The following HNRNPF variants were observed in gnomAD, a reference collection of about 807,000 sequenced individuals.
HNRNPF encodes the protein HnRNP F protein.
Under a neutral mutation model 26.0 loss-of-function variants are expected in HNRNPF, and 2 were observed. The observed-to-expected ratio is 0.08, with a 90% CI of 0.03 to 0.24. The LOEUF (loss-of-function observed/expected upper bound fraction) is 0.24. Ranked by LOEUF, HNRNPF falls within the 10% of genes least tolerant of loss-of-function variation. The pLI, the probability that HNRNPF is intolerant of heterozygous loss-of-function variation, is 1.00. For synonymous variants in HNRNPF, 234 were observed against 211.5 expected (o/e 1.11, Z -0.92); for missense variants, 299 against 539.2 (o/e 0.55, Z 4.41).
At chr10:43,396,891 A>AGGGGG (rs1206414177) in intron 1 of HNRNPF, 2 of 4,904 alleles carry the variant, frequency 4.1e-4, no homozygotes, top group Non-Finnish European at 7.8e-4. Flanking sequence ...GCCTCGCGGG[A>AGGGGG]GGGGGAGGGG....
At chr10:43,397,651 GA>G (rs1166951673) in intron 1 of HNRNPF, among the ~76,000 whole-genome samples, 1 of 152,184 alleles carries the variant, frequency 6.6e-6, no homozygotes, top group African/African-American at 2.4e-5. Context: ...AAAAATCTTT[GA>G]AAAAAAATTT....
chr10:43,392,746 G>A (rs1838304391), intron 3 of HNRNPF, among the ~76,000 whole-genome samples: 1 of 152,022 alleles, frequency 6.6e-6, no homozygotes, highest in African/African-American at 2.4e-5. Flanking sequence ...AGGGAATCAG[G>A]CTTGGGCCCA....
chr10:43,394,223 T>G (rs998881502), intron 3 of HNRNPF, among the ~76,000 whole-genome samples: 1 of 152,190 alleles, frequency 6.6e-6, no homozygotes, highest in Non-Finnish European at 1.5e-5. Context: ...CTGGCTAGGC[T>G]GAAAAAGACA....
At chr10:43,390,394 C>G (rs1415240621) in intron 3 of HNRNPF, among the ~76,000 whole-genome samples, 2 of 152,184 alleles carry the variant, frequency 1.3e-5, no homozygotes, top group Non-Finnish European at 2.9e-5. Context: ...AGCCTTAGGT[C>G]CAGCCATCGT....
intron 3 of HNRNPF, among the ~76,000 whole-genome samples, chr10:43,389,803 C>T (rs567626315): frequency 6.6e-6 from 1 of 152,184 alleles, no homozygotes. Flanking sequence ...AAGATGTCAC[C>T]CTTGCTAATG....
chr10:43,400,252 G>C (rs1403703257), intron 1 of HNRNPF, among the ~76,000 whole-genome samples: 1 of 152,240 alleles, frequency 6.6e-6, no homozygotes, highest in East Asian at 1.9e-4. Context: ...TTTTCCTTCT[G>C]TACATTATCT....
chr10:43,390,275 C>T (rs886379117), intron 3 of HNRNPF, among the ~76,000 whole-genome samples: 1 of 152,166 alleles, frequency 6.6e-6, no homozygotes, highest in African/African-American at 2.4e-5. Context: ...ATTCCATTCC[C>T]AACACTGGGT....
intron 2 of HNRNPF, among the ~76,000 whole-genome samples, chr10:43,394,949 T>G (rs545913747): frequency 6.6e-6 from 1 of 152,288 alleles, no homozygotes; most frequent in East Asian, 1.9e-4. Flanking sequence ...CCTGCCTCAG[T>G]ACCTGGTATT....
rs147499983 is a variant in HNRNPF, at chr10:43,386,793, T to C, written c.1092A>G (p.Thr364=). 5.0e-5 allele frequency: 80 copies of C among 1,614,068 alleles called. 1 individual carries two copies. The highest frequency in any genetic ancestry group is 6.4e-5 in the Non-Finnish European group (75 of 1,180,040). The change falls in exon 4 of 4, where the codon ACA becomes ACG. Residue 364 remains threonine, a synonymous_variant. Transcript: ENST00000682386. ...TATACGCCCCATTGCTGGCCCCTGTTGTTGAATTCAAGAAGAGTTCTATAT... is the reference window on the plus strand; with the variant it reads ...TATACGCCCCATTGCTGGCCCCTGTCGTTGAATTCAAGAAGAGTTCTATAT... ...HRYIELFLNS[T]TGASNGAYSS... is the part of the protein sequence containing the mutation.
chr10:43,388,621 A>G (rs1244162094), intron 3 of HNRNPF, among the ~76,000 whole-genome samples: 1 of 152,272 alleles, frequency 6.6e-6, no homozygotes, highest in Non-Finnish European at 1.5e-5. Context: ...AAATAAATGG[A>G]GAAACCAGAT....
At chr10:43,395,549 T>C (rs1053404088) in intron 2 of HNRNPF, among the ~76,000 whole-genome samples, 4 of 152,208 alleles carry the variant, frequency 2.6e-5, no homozygotes, top group Non-Finnish European at 4.4e-5. Context: ...CTGCCTTGTC[T>C]TGCAAACTTC....
chr10:43,387,227 T>C lies in HNRNPF; in HGVS notation c.658A>G (p.Ile220Val), dbSNP rs749217091. 6.8e-6 allele frequency: 11 copies of C among 1,614,080 alleles called. No homozygotes were observed. The highest frequency in any genetic ancestry group is 9.3e-6 in the Non-Finnish European group (11 of 1,180,012). Residue 220 changes from isoleucine to valine, a missense_variant, in exon 4 of 4, where the codon ATT becomes GTT. Ile to Val is a conservative substitution (Grantham distance 29). Around this residue, in one of 6 missense-constraint regions of HNRNPF, gnomAD observed 15 missense variants for 40.3 expected, o/e 0.37. Coordinates refer to ENST00000682386, the MANE Select transcript of HNRNPF (RefSeq NM_001098204.2). This position sits in a 1 kb window ranked among gnomAD's most constrained non-coding sequence, Gnocchi z 6.0. ...YDRPGTARRY[I>V]GIVKQAGLER... Reference sequence around the variant, plus strand: ...AGGCCTGCCTGCTTCACGATGCCAATGTACCTCCTGGCAGTCCCGGGCCGG... The same window carrying C: ...AGGCCTGCCTGCTTCACGATGCCAACGTACCTCCTGGCAGTCCCGGGCCGG...
Position 43,386,961 on chromosome 10 carries a change from G to A in HNRNPF, c.924C>T (p.Phe308=), listed in dbSNP as rs144952315. The A allele has an allele frequency of 6.2e-7, 1 of 1,614,100 alleles. No individual in the cohort carries two copies. Among genetic ancestry groups the A allele is most frequent in the African/African-American group, 1.3e-5 (1 of 74,934 alleles). ...YKATENDIYN[F]FSPLNPVRVH... is the part of the protein sequence containing the mutation. ...CTCTCACAGGGTTGAGAGGAGAGAA[G>A]AAGTTGTAAATGTCGTTCTCGGTCG... is the stretch of plus-strand genomic sequence containing the variant. The change falls in exon 4 of 4, where the codon TTC becomes TTT. Residue 308 remains phenylalanine (F), a synonymous_variant. Transcript: ENST00000682386.
chr10:43,398,383 C>T (rs1404081262), intron 1 of HNRNPF, among the ~76,000 whole-genome samples: 9 of 146,140 alleles, frequency 6.2e-5, no homozygotes, highest in African/African-American at 1.8e-4. Context: ...GCTCTGTTGC[C>T]CGGGCTGGAG....
intron 3 of HNRNPF, among the ~76,000 whole-genome samples, chr10:43,394,179 G>A (rs998794965): frequency 2.6e-5 from 4 of 152,186 alleles, no homozygotes; most frequent in African/African-American, 7.2e-5. Flanking sequence ...CCCATGTGTA[G>A]GGGGGTCAAC....
intron 1 of HNRNPF, among the ~76,000 whole-genome samples, chr10:43,398,936 A>G (rs984613520): frequency 2.0e-5 from 3 of 152,226 alleles, no homozygotes; most frequent in Non-Finnish European, 4.4e-5. Flanking sequence ...GGAAACTACA[A>G]GGACAAATGA....
In HNRNPF at chr10:43,386,721, A is replaced by C. The variant is rs143191988; in HGVS notation, c.1164T>G (p.Thr388=). 35 of 1,614,092 alleles carry C rather than the reference A, an allele frequency of 2.2e-5. No individual in the cohort carries two copies. The African/African-American group carries it at 4.3e-4, about 20-fold the overall frequency. ...CTGACTGGCTCTCCAGGCCACTGTA[A>C]GTGGCCTGGGCAGCAGACACCCCCA... The part of the protein sequence containing the change: ...QGMGVSAAQA[T]YSGLESQSVS... Residue 388 remains threonine, a synonymous_variant, in exon 4 of 4, where the codon ACT becomes ACG. Coordinates refer to ENST00000682386, the MANE Select transcript of HNRNPF (RefSeq NM_001098204.2).
chr10:43,387,278 A>T lies in HNRNPF; in HGVS notation c.607T>A (p.Ser203Thr). The stretch of plus-strand genomic sequence containing the variant: ...TCATAGGGCCCTGGCCGCTGCACGG[A>T]CATGAACTTCAGAGGGGGATCTGAG... ...SYSDPPLKFM[S>T]VQRPGPYDRP... The change falls in exon 4 of 4, where the codon TCC (serine) becomes ACC (threonine). Residue 203 changes from serine (S) to threonine (T), a missense_variant. Ser to Thr is a moderately conservative substitution (Grantham distance 58). Around this residue, in one of 6 missense-constraint regions of HNRNPF, gnomAD observed 15 missense variants for 40.3 expected, o/e 0.37. Coordinates refer to ENST00000682386, the MANE Select transcript of HNRNPF (RefSeq NM_001098204.2). This position sits in a 1 kb window ranked among gnomAD's most constrained non-coding sequence, Gnocchi z 6.0. 6.2e-7 allele frequency: 1 copy of T among 1,614,222 alleles called. No homozygotes were observed. Among genetic ancestry groups the T allele is most frequent in the African/African-American group, 1.3e-5 (1 of 75,076 alleles).
At chr10:43,397,850 C>T in intron 1 of HNRNPF, among the ~76,000 whole-genome samples, 1 of 152,200 alleles carries the variant, frequency 6.6e-6, no homozygotes, top group East Asian at 1.9e-4. Flanking sequence ...CTTTTTAGAG[C>T]CACAAATATT....
Sources: allele counts gnomAD v4.1 joint callset (sites outside exome capture counted in the v4.1 genomes callset), GRCh38; gene constraint gnomAD v4.1.1; regional missense constraint gnomAD v4.1.1; non-coding constraint Gnocchi (gnomAD v3.1); transcripts MANE v1.5; gene names NCBI Gene and HGNC (gene_info 2026-07-23, HGNC 2026-07-21).